Variants in SH2D4B observed in about 807,000 individuals in gnomAD.
SH2D4B encodes the protein SH2 domain-containing protein 4B.
SH2D4B carries 45 observed loss-of-function variants against 61.5 expected under a neutral mutation model. The ratio of observed to expected loss-of-function variants is 0.73; its 90% confidence interval spans 0.58 to 0.94. SH2D4B has a LOEUF of 0.94. Ranked by LOEUF, SH2D4B falls within the 40% of genes least tolerant of loss-of-function variation. The pLI is 0.00. For missense variants in SH2D4B, 572 were observed against 574.2 expected, an observed-to-expected ratio of 1.00 and a Z score of 0.04; for synonymous variants, 224 against 220.4, an observed-to-expected ratio of 1.02 and a Z score of -0.14.
chr10:80,627,854 C>T (rs1842781357), intron 6 of SH2D4B, among the ~76,000 whole-genome samples: 1 of 152,038 alleles, frequency 6.6e-6, no homozygotes, highest in Admixed American at 6.6e-5. Context: ...ATAGGAAAAA[C>T]AATGTTTACC....
rs552893600 is a variant in SH2D4B at position 80,540,861 on chromosome 10, C to T, written c.184+2346C>T. 68 of 1,551,436 alleles carry T rather than the reference C, an allele frequency of 4.4e-5. No homozygotes were observed. In the East Asian group the frequency reaches 4.4e-4, roughly 10 times the overall value. ...TCCCAGGGCGGGAATTGTGCGGGGA[C>T]GGGCTCCACGGAGGAATCTTCTCTT... On this transcript the variant is annotated intron_variant, in intron 1 of 7. Transcript: ENST00000646907.
rs1842093332 is a variant in SH2D4B at position 80,573,910 on chromosome 10, TCTTTGTGAA to T, written c.495+2333_495+2341del. Among the ~76,000 whole-genome samples the T allele has an allele frequency of 6.6e-5, 10 of 152,200 alleles. No homozygotes were observed. In the South Asian group the frequency reaches 1.9e-3, roughly 28 times the overall value. ...TTAGAATTGCATCAATTTATAGCTG[TCTTTGTGAA>T]AAATGGACATTTTTACAATATTGAA... On this transcript the variant is annotated intron_variant, in intron 3 of 7. Transcript: ENST00000646907.
chr10:80,538,357 T>G lies in SH2D4B; in HGVS notation c.26T>G (p.Met9Arg). 1 of 1,383,196 alleles carries G rather than the reference T, an allele frequency of 7.2e-7. No homozygotes were observed. Among genetic ancestry groups the G allele is most frequent in the Non-Finnish European group, 9.4e-7 (1 of 1,061,942 alleles). The allele number at this position is 1,383,196 out of a possible 1,614,324, so 85.7% of individuals were successfully genotyped here. The change falls in exon 1 of 8, where the codon ATG becomes AGG. Residue 9 changes from methionine (M) to arginine (R), a missense_variant. Coordinates refer to ENST00000646907, the MANE Select transcript of SH2D4B (RefSeq NM_001388272.1). The surrounding 1 kb of genome is among the most constrained non-coding windows in gnomAD (Gnocchi z 4.8). MLQQILHD[M>R]YIDPELLAEL... Reference sequence around the variant, plus strand: ...ATGCTGCAGCAGATCCTGCACGACATGTACATCGACCCCGAGCTCCTTGCC... The same window carrying G: ...ATGCTGCAGCAGATCCTGCACGACAGGTACATCGACCCCGAGCTCCTTGCC...
chr10:80,541,484 G>A (rs1049457628), intron 1 of SH2D4B, among the ~76,000 whole-genome samples: 1 of 152,156 alleles, frequency 6.6e-6, no homozygotes, highest in African/African-American at 2.4e-5. Flanking sequence ...CTGTTTGCTG[G>A]CCCCTTGGGA....
intron 7 of SH2D4B, among the ~76,000 whole-genome samples, chr10:80,639,492 T>G (rs1372097138): frequency 3.3e-5 from 5 of 152,214 alleles, no homozygotes; most frequent in Admixed American, 2.0e-4. Flanking sequence ...AAATTTAGGA[T>G]AGTTAGCTCT....
At position 80,646,279 on chromosome 10, in the gene SH2D4B, A is replaced by C. The variant is rs1178096835; in HGVS notation, c.*2194A>C. On this transcript the variant is annotated 3_prime_UTR_variant, in exon 8 of 8. Transcript: ENST00000646907. Reference sequence around the variant, plus strand: ...AAGAACTCCCAGCAGCTTTGAAAGCAGACTGAGATGAGTTGAGACCCTGAA... The same window carrying C: ...AAGAACTCCCAGCAGCTTTGAAAGCCGACTGAGATGAGTTGAGACCCTGAA... The C allele has an allele frequency of 1.3e-5, 2 of 152,668 alleles. No homozygotes were observed. Among genetic ancestry groups the C allele is most frequent in the Non-Finnish European group, 2.9e-5 (2 of 68,044 alleles). 9.5% of individuals were successfully genotyped at this position (152,668 alleles called of 1,614,324 possible).
intron 1 of SH2D4B, among the ~76,000 whole-genome samples, chr10:80,562,062 C>CAT (rs1554875847): frequency 2.2e-4 from 32 of 144,612 alleles, no homozygotes; most frequent in South Asian, 1.8e-3. Flanking sequence ...CACACACACA[C>CAT]ATATATAAAA....
Position 80,565,157 on chromosome 10 carries a change from G to A in SH2D4B, c.185-4997G>A, listed in dbSNP as rs75685423. Among the ~76,000 whole-genome samples the A allele has an allele frequency of 6.0e-4, 91 of 152,248 alleles. 3 individuals carry two copies. The East Asian group carries it at 6.8e-3, about 11-fold the overall frequency. ...TTACAGGCTGATACTCCTAAGTTAC[G>A]GTTTCAGTCTTGTATACCTATTAAG... On this transcript the variant is annotated intron_variant, in intron 1 of 7. Transcript: ENST00000646907.
chr10:80,553,333 T>C (rs935871896), intron 1 of SH2D4B, among the ~76,000 whole-genome samples: 1 of 152,226 alleles, frequency 6.6e-6, no homozygotes, highest in Non-Finnish European at 1.5e-5. Context: ...TCCTGTCCCT[T>C]GTCCCCAGGA....
At chr10:80,575,456 C>A (rs1487371917) in intron 3 of SH2D4B, among the ~76,000 whole-genome samples, 4 of 151,836 alleles carry the variant, frequency 2.6e-5, no homozygotes, top group Non-Finnish European at 5.9e-5. Context: ...CAGCTACTGA[C>A]AATTTAGAAA....
At chr10:80,579,867 C>T (rs574851016) in intron 3 of SH2D4B, among the ~76,000 whole-genome samples, 22 of 152,314 alleles carry the variant, frequency 1.4e-4, no homozygotes, top group African/African-American at 5.1e-4. Context: ...CTTCTCTAGG[C>T]AAGGCTGACG....
chr10:80,644,130 A>C lies in SH2D4B; in HGVS notation c.*45A>C. The C allele has an allele frequency of 6.7e-7, 1 of 1,497,536 alleles. No homozygotes were observed. Among genetic ancestry groups the C allele is most frequent in the South Asian group, 1.1e-5 (1 of 87,414 alleles). 92.8% of individuals were successfully genotyped at this position (1,497,536 alleles called of 1,614,324 possible). ...GATTCATTTTGGTATCCTGTTTTTG[A>C]ACTCAGCTTAAGAACTTCTCATCTC... On this transcript the variant is annotated 3_prime_UTR_variant, in exon 8 of 8. Coordinates refer to ENST00000646907, the MANE Select transcript of SH2D4B (RefSeq NM_001388272.1).
rs554769192 is a variant in SH2D4B at position 80,546,162 on chromosome 10, A to C, written c.184+7647A>C. On this transcript the variant is annotated intron_variant, in intron 1 of 7. Transcript: ENST00000646907. ...CAGGTTCAAGTGATCCTCGCACCTCAGCCTCCTGAGTAGCTGGGACTACAG... is the reference window on the plus strand; with the variant it reads ...CAGGTTCAAGTGATCCTCGCACCTCCGCCTCCTGAGTAGCTGGGACTACAG... Among the ~76,000 whole-genome samples, 21 of 151,132 alleles carry C rather than the reference A, an allele frequency of 1.4e-4. No homozygotes were observed. The South Asian group carries it at 4.0e-3, about 29-fold the overall frequency.
At chr10:80,554,162 G>A (rs1841796968) in intron 1 of SH2D4B, among the ~76,000 whole-genome samples, 1 of 152,174 alleles carries the variant, frequency 6.6e-6, no homozygotes, top group Admixed American at 6.5e-5. Context: ...TTACAGCTTA[G>A]AACAAAAGGC....
At chr10:80,560,623 T>G (rs1336910878) in intron 1 of SH2D4B, among the ~76,000 whole-genome samples, 3 of 151,488 alleles carry the variant, frequency 2.0e-5, no homozygotes, top group African/African-American at 7.3e-5. Flanking sequence ...CTCCTGGCTT[T>G]GAGCAATTCT....
chr10:80,631,570 G>A (rs1301748580), intron 6 of SH2D4B, among the ~76,000 whole-genome samples: 6 of 152,228 alleles, frequency 3.9e-5, no homozygotes, highest in Non-Finnish European at 8.8e-5. Flanking sequence ...TCTATTAACA[G>A]TTGAATGGAT....
At chr10:80,578,925 TG>T (rs575980703) in intron 3 of SH2D4B, among the ~76,000 whole-genome samples, 168 of 152,216 alleles carry the variant, frequency 1.1e-3, no homozygotes, top group African/African-American at 3.8e-3. Context: ...AATTAGATGT[TG>T]GGATGAGGGA....
Position 80,538,470 on chromosome 10 carries a change from G to T in SH2D4B, c.139G>T (p.Ala47Ser). ...RRWKERETWE[A>S]LAQDEGLRPP... is the part of the protein sequence containing the mutation. ...CTGGAAGGAGCGGGAGACTTGGGAGGCCCTGGCCCAGGACGAGGGTCTCAG... is the reference window on the plus strand; with the variant it reads ...CTGGAAGGAGCGGGAGACTTGGGAGTCCCTGGCCCAGGACGAGGGTCTCAG... Residue 47 changes from alanine (A) to serine (S), a missense_variant, in exon 1 of 8, where the codon GCC becomes TCC. Transcript: ENST00000646907. The surrounding 1 kb of genome is among the most constrained non-coding windows in gnomAD (Gnocchi z 4.8). The T allele has an allele frequency of 6.8e-7, 1 of 1,466,964 alleles. No individual in the cohort carries two copies. Among genetic ancestry groups the T allele is most frequent in the South Asian group, 1.4e-5 (1 of 69,678 alleles). 90.9% of individuals were successfully genotyped at this position (1,466,964 alleles called of 1,614,324 possible).
At chr10:80,549,460 T>C (rs75397059) in intron 1 of SH2D4B, among the ~76,000 whole-genome samples, 1,690 of 152,284 alleles carry the variant, frequency 0.011, 30 homozygotes, top group African/African-American at 0.039. Context: ...GTGAGACAGC[T>C]GTGCAGATGA....
Sources: gnomAD v4.1 joint callset for allele counts (sites outside exome capture counted in the v4.1 genomes callset) on GRCh38, gnomAD v4.1.1 for gene constraint, Gnocchi (gnomAD v3.1) non-coding constraint, MANE v1.5 for transcripts, NCBI Gene and HGNC (gene_info 2026-07-23, HGNC 2026-07-21) for gene names.